Variants in NRXN3 observed in about 807,000 individuals in gnomAD.
The protein encoded by NRXN3 is neurexin III.
In NRXN3, 32 loss-of-function variants were observed where a neutral mutation model predicts 137.6. The ratio of observed to expected loss-of-function variants is 0.23; its 90% CI spans 0.18 to 0.31. The LOEUF is 0.31. NRXN3 is among the 10% of genes least tolerant of loss of function. The pLI is 1.00. For missense variants in NRXN3, 1,574 were observed against 2,062.5 expected, an observed-to-expected ratio of 0.76 and a Z score of 4.59; for synonymous variants, 798 against 784.5, an observed-to-expected ratio of 1.02 and a Z score of -0.29.
intron 14 of NRXN3, among the ~76,000 whole-genome samples, chr14:78,985,529 T>A (rs1233471289): frequency 1.3e-5 from 2 of 152,236 alleles, no homozygotes; most frequent in African/African-American, 4.8e-5. Flanking sequence ...GCATTCAGGC[T>A]GGTCCTTAGA....
At chr14:78,512,537 G>A (rs2096128266) in intron 4 of NRXN3, among the ~76,000 whole-genome samples, 1 of 152,124 alleles carries the variant, frequency 6.6e-6, no homozygotes, top group South Asian at 2.1e-4. Context: ...GCCAATATCT[G>A]CCACACTGAT....
intron 4 of NRXN3, among the ~76,000 whole-genome samples, chr14:78,495,583 A>G (rs536775310): frequency 2.6e-4 from 40 of 152,336 alleles, no homozygotes; most frequent in African/African-American, 9.4e-4. Context: ...GACTTTCCTT[A>G]GTGACATCTC....
intron 11 of NRXN3, among the ~76,000 whole-genome samples, chr14:78,965,328 A>G (rs2099415363): frequency 6.6e-6 from 1 of 152,154 alleles, no homozygotes; most frequent in Non-Finnish European, 1.5e-5. Context: ...TGAGGGCCTA[A>G]GCCCCCCAGG....
chr14:78,994,552 C>A (rs559593982), intron 15 of NRXN3, among the ~76,000 whole-genome samples: 2 of 152,064 alleles, frequency 1.3e-5, no homozygotes, highest in South Asian at 2.1e-4. Context: ...TGGTGGAGAT[C>A]GATCTTGAAA....
chr14:79,806,652 T>C (rs1291663074), intron 20 of NRXN3, among the ~76,000 whole-genome samples: 3 of 151,754 alleles, frequency 2.0e-5, no homozygotes, highest in Non-Finnish European at 4.4e-5. Flanking sequence ...ATTCATTCAT[T>C]CAATAAATAT....
chr14:78,677,453 C>G (rs2098020654), intron 6 of NRXN3, among the ~76,000 whole-genome samples: 1 of 151,538 alleles, frequency 6.6e-6, no homozygotes, highest in Non-Finnish European at 1.5e-5. Context: ...GGAAGGAGAG[C>G]TTAGGATATG....
At chr14:79,336,648 G>C (rs184216867) in intron 15 of NRXN3, among the ~76,000 whole-genome samples, 1 of 152,104 alleles carries the variant, frequency 6.6e-6, no homozygotes, top group Non-Finnish European at 1.5e-5. Flanking sequence ...ATGATTTCCC[G>C]AAGGCCACAA....
At chr14:78,875,777 G>T (rs2152596338) in intron 10 of NRXN3, among the ~76,000 whole-genome samples, 1 of 152,302 alleles carries the variant, frequency 6.6e-6, no homozygotes, top group East Asian at 1.9e-4. Flanking sequence ...TTTTCACGCA[G>T]TTGTAGCATT....
intron 19 of NRXN3, among the ~76,000 whole-genome samples, chr14:79,702,032 C>T (rs536567202): frequency 3.9e-5 from 6 of 151,990 alleles, no homozygotes; most frequent in South Asian, 4.2e-4. Context: ...CTGTGACTAC[C>T]GACAGTAGTG....
At chr14:79,308,198 T>C (rs188611376) in intron 15 of NRXN3, among the ~76,000 whole-genome samples, 9 of 152,168 alleles carry the variant, frequency 5.9e-5, no homozygotes, top group Admixed American at 3.3e-4. Context: ...CTTCAACATA[T>C]GAATGTTGAA....
intron 15 of NRXN3, among the ~76,000 whole-genome samples, chr14:79,159,274 A>G (rs1026345635): frequency 1.3e-5 from 2 of 151,790 alleles, no homozygotes; most frequent in African/African-American, 4.8e-5. Context: ...TGATGAAGCC[A>G]TGTTTCATCT....
chr14:78,302,203 A>G (rs371333640), intron 4 of NRXN3, among the ~76,000 whole-genome samples: 23 of 152,040 alleles, frequency 1.5e-4, no homozygotes, highest in African/African-American at 5.6e-4. Context: ...CTAATCCCCT[A>G]CAACATCCCA....
chr14:78,510,925 T>C (rs2096092847), intron 4 of NRXN3, among the ~76,000 whole-genome samples: 1 of 152,194 alleles, frequency 6.6e-6, no homozygotes, highest in Non-Finnish European at 1.5e-5. Flanking sequence ...GTTGTATGTG[T>C]TTGAATTCTT....
At chr14:79,706,556 C>T (rs1029929959) in intron 19 of NRXN3, among the ~76,000 whole-genome samples, 2 of 151,364 alleles carry the variant, frequency 1.3e-5, no homozygotes, top group Admixed American at 6.6e-5. Context: ...CTCCTAAATG[C>T]CATCATGTTC....
intron 4 of NRXN3, among the ~76,000 whole-genome samples, chr14:78,597,807 A>G (rs190932592): frequency 6.6e-6 from 1 of 152,320 alleles, no homozygotes; most frequent in Admixed American, 6.5e-5. Context: ...ACATATAAAC[A>G]GTGGCCATGA....
intron 4 of NRXN3, among the ~76,000 whole-genome samples, chr14:78,320,663 C>T (rs532544727): frequency 3.9e-5 from 6 of 152,306 alleles, no homozygotes; most frequent in South Asian, 2.1e-4. Context: ...GAGTGCCTCA[C>T]GCTGGTGGTC....
chr14:79,787,632 G>C (rs932264958), intron 19 of NRXN3, among the ~76,000 whole-genome samples: 2 of 152,032 alleles, frequency 1.3e-5, no homozygotes, highest in African/African-American at 4.8e-5. Flanking sequence ...TCTACATACA[G>C]GTGAGATCAT....
In NRXN3 at chr14:79,199,146, G is replaced by A. The variant is rs1476726152; in HGVS notation, c.3262+211005G>A. 3.3e-5 allele frequency among the ~76,000 whole-genome samples: 5 copies of A among 150,420 alleles called. No individual in the cohort carries two copies. In the East Asian group the frequency reaches 9.9e-4, roughly 30 times the overall value. Reference sequence around the variant, plus strand: ...GGCGCCACTGCGCTCCAGCCTGGGCGACAGTGAGACTGCGTCTAAAAAAAA... The same window carrying A: ...GGCGCCACTGCGCTCCAGCCTGGGCAACAGTGAGACTGCGTCTAAAAAAAA... On this transcript the variant is annotated intron_variant, in intron 15 of 20. Transcript: ENST00000335750.
At chr14:79,301,188 G>A (rs183960346) in intron 15 of NRXN3, among the ~76,000 whole-genome samples, 117 of 152,094 alleles carry the variant, frequency 7.7e-4, no homozygotes, top group Non-Finnish European at 1.4e-3. Flanking sequence ...AGTTGGTGTC[G>A]TCATTGCAAC....
Sources: gnomAD v4.1 joint callset for allele counts (sites outside exome capture counted in the v4.1 genomes callset) on GRCh38, gnomAD v4.1.1 for gene constraint, MANE v1.5 for transcripts, NCBI Gene and HGNC (gene_info 2026-07-23, HGNC 2026-07-21) for gene names.